Variants in ITGA9 observed in about 807,000 individuals in gnomAD.
ITGA9 encodes the protein integrin alpha-9.
Under a neutral mutation model 127.8 loss-of-function variants are expected in ITGA9, and 56 were observed. The observed-to-expected ratio is 0.44, with a 90% CI of 0.35 to 0.55. The LOEUF (loss-of-function observed/expected upper bound fraction) is 0.55, where lower values mean the gene tolerates loss of function less well. ITGA9 is among the 20% of genes least tolerant of loss of function. ITGA9 has a pLI of 0.00. For missense variants in ITGA9, 1,196 were observed against 1,347.1 expected, an observed-to-expected ratio of 0.89 and a Z score of 1.76; for synonymous variants, 508 against 514.5, an observed-to-expected ratio of 0.99 and a Z score of 0.17.
At chr3:37,737,645 A>G (rs539797800) in intron 20 of ITGA9, among the ~76,000 whole-genome samples, 52 of 152,258 alleles carry the variant, frequency 3.4e-4, no homozygotes, top group African/African-American at 1.1e-3. Flanking sequence ...AGCAGCATCT[A>G]GGTAGCACTT....
intron 27 of ITGA9, among the ~76,000 whole-genome samples, chr3:37,809,344 C>A (rs758624372): frequency 6.6e-6 from 1 of 152,132 alleles, no homozygotes; most frequent in African/African-American, 2.4e-5. Context: ...CCTTGGCCTC[C>A]CAAAGTGCTG....
intron 15 of ITGA9, among the ~76,000 whole-genome samples, chr3:37,584,168 C>T (rs1304852559): frequency 6.6e-6 from 1 of 152,174 alleles, no homozygotes; most frequent in Non-Finnish European, 1.5e-5. Flanking sequence ...CAGGTCTGCA[C>T]GTTGGCTGGG....
intron 1 of ITGA9, among the ~76,000 whole-genome samples, chr3:37,458,653 C>T (rs1472258202): frequency 1.3e-5 from 2 of 152,208 alleles, no homozygotes; most frequent in Non-Finnish European, 2.9e-5. Context: ...GAGCCTGCCA[C>T]GCGTGAATCA....
At chr3:37,661,189 CTTG>C (rs1413260577) in intron 17 of ITGA9, among the ~76,000 whole-genome samples, 1 of 152,170 alleles carries the variant, frequency 6.6e-6, no homozygotes, top group Admixed American at 6.5e-5. Flanking sequence ...ATCCTGATGC[CTTG>C]TTGTTATCAG....
intron 15 of ITGA9, among the ~76,000 whole-genome samples, chr3:37,590,570 A>G (rs916285192): frequency 5.9e-5 from 9 of 152,222 alleles, no homozygotes; most frequent in African/African-American, 2.2e-4. Context: ...TGTTCTGCTT[A>G]TAACTGTGGT....
chr3:37,581,889 T>C (rs1699713077), intron 15 of ITGA9, among the ~76,000 whole-genome samples: 1 of 152,158 alleles, frequency 6.6e-6, no homozygotes, highest in Non-Finnish European at 1.5e-5. Context: ...ATTGGATACA[T>C]CTGGTAGGAG....
At chr3:37,784,899 A>G (rs1168657848) in intron 25 of ITGA9, 78 bp from the exon 26 acceptor site, 2 of 1,196,388 alleles carry the variant, frequency 1.7e-6, no homozygotes, top group Non-Finnish European at 2.5e-6. Flanking sequence ...ATGGAATTTC[A>G]GTTCTGCCCA....
At chr3:37,553,760 C>T (rs72855879) in intron 15 of ITGA9, among the ~76,000 whole-genome samples, 3 of 152,038 alleles carry the variant, frequency 2.0e-5, no homozygotes, top group Non-Finnish European at 2.9e-5. Flanking sequence ...TCATTAGTAG[C>T]GCTTTGAGTA....
chr3:37,589,081 C>T (rs1005334506), intron 15 of ITGA9, among the ~76,000 whole-genome samples: 1 of 152,164 alleles, frequency 6.6e-6, no homozygotes, highest in African/African-American at 2.4e-5. Flanking sequence ...TCAACTGGAG[C>T]CTTGGCTTCC....
At chr3:37,577,767 T>A (rs1399707151) in intron 15 of ITGA9, among the ~76,000 whole-genome samples, 1 of 152,232 alleles carries the variant, frequency 6.6e-6, no homozygotes, top group African/African-American at 2.4e-5. Context: ...CGTGTGATGA[T>A]GGCTAAGTGC....
intron 18 of ITGA9, among the ~76,000 whole-genome samples, chr3:37,707,358 A>G (rs1341612283): frequency 6.6e-6 from 1 of 152,240 alleles, no homozygotes; most frequent in African/African-American, 2.4e-5. Flanking sequence ...CACCTTCAGC[A>G]GGCAAGGAAA....
chr3:37,808,715 G>A (rs976648171), intron 27 of ITGA9: 4 of 152,196 alleles, frequency 2.6e-5, no homozygotes, highest in Non-Finnish European at 5.9e-5. Context: ...TGGTGGCTAA[G>A]CTGGTCTTCA....
At chr3:37,613,168 G>A (rs1700040617) in intron 15 of ITGA9, among the ~76,000 whole-genome samples, 1 of 141,730 alleles carries the variant, frequency 7.1e-6, no homozygotes, top group African/African-American at 2.6e-5. Context: ...CTGTGTCCAT[G>A]TGTTCTCATT....
intron 18 of ITGA9, among the ~76,000 whole-genome samples, chr3:37,686,373 G>A (rs958973441): frequency 6.6e-6 from 1 of 152,138 alleles, no homozygotes; most frequent in Non-Finnish European, 1.5e-5. Context: ...CTGCAGAATT[G>A]TCCCCCCTTG....
chr3:37,799,968 A>G lies in ITGA9; in HGVS notation c.2890-3855A>G, dbSNP rs1294311121. Reference sequence around the variant, plus strand: ...ATATGACTTCCTAGAGCTACAGGACACTCAGCTCATCACTCACAGATGAGT... The same window carrying G: ...ATATGACTTCCTAGAGCTACAGGACGCTCAGCTCATCACTCACAGATGAGT... On this transcript the variant is annotated intron_variant, in intron 26 of 27. Coordinates refer to ENST00000264741, the MANE Select transcript of ITGA9 (RefSeq NM_002207.3). This position sits in a 1 kb window ranked among gnomAD's most constrained non-coding sequence, Gnocchi z 4.0. Among the ~76,000 whole-genome samples, 1 of 152,112 alleles carries G rather than the reference A, an allele frequency of 6.6e-6. No homozygotes were observed. The highest frequency in any genetic ancestry group is 1.5e-5 in the Non-Finnish European group (1 of 68,014).
rs11429211 is a variant in ITGA9, at chr3:37,786,618, A to C, written c.2889+1540A>C. On this transcript the variant is annotated intron_variant, in intron 26 of 27. Transcript: ENST00000264741. ...AAAAAAACAAAAAACAAACAAACAA[A>C]AAAAAAAAAACCAATAGTAATAATG... Among the ~76,000 whole-genome samples the C allele has an allele frequency of 6.7e-5, 9 of 133,772 alleles. No homozygotes were observed. The Middle Eastern group carries it at 0.011, about 160-fold the overall frequency. The allele number at this position is 133,772 out of a possible 152,430, so 87.8% of individuals were successfully genotyped here.
chr3:37,660,645 C>G (rs1700524918), intron 17 of ITGA9, among the ~76,000 whole-genome samples: 1 of 152,032 alleles, frequency 6.6e-6, no homozygotes, highest in Admixed American at 6.6e-5. Context: ...GGACCCAGTC[C>G]CCCCATATGT....
intron 18 of ITGA9, among the ~76,000 whole-genome samples, chr3:37,708,693 C>A: frequency 6.6e-6 from 1 of 152,296 alleles, no homozygotes; most frequent in Non-Finnish European, 1.5e-5. Flanking sequence ...AAGAATTATC[C>A]AGCCCCAATG....
intron 17 of ITGA9, among the ~76,000 whole-genome samples, chr3:37,660,006 A>ACG (rs1553655590): frequency 0.011 from 1,645 of 151,038 alleles, 23 homozygotes; most frequent in African/African-American, 0.031. Flanking sequence ...ACACACACGC[A>ACG]CACACACACA....
Sources: gnomAD v4.1 joint callset for allele counts (sites outside exome capture counted in the v4.1 genomes callset) on GRCh38, gnomAD v4.1.1 for gene constraint, Gnocchi (gnomAD v3.1) non-coding constraint, MANE v1.5 for transcripts, NCBI Gene and HGNC (gene_info 2026-07-23, HGNC 2026-07-21) for gene names.